Variants in SH3BP5 observed in about 807,000 individuals in gnomAD.
SH3BP5 encodes SH3 domain-binding protein 5.
SH3BP5 carries 22 observed loss-of-function variants against 43.3 expected under a neutral mutation model. The observed-to-expected ratio is 0.51, with a 90% confidence interval of 0.36 to 0.73. The LOEUF (loss-of-function observed/expected upper bound fraction) is 0.73, where lower values mean the gene tolerates loss of function less well. Among genes scored for constraint, SH3BP5 ranks in the 30% least tolerant of loss-of-function variants. The pLI, the probability that SH3BP5 is intolerant of heterozygous loss-of-function variation, is 0.00. For synonymous variants in SH3BP5, 255 were observed against 225.8 expected (o/e 1.13, Z -1.16); for missense variants, 529 against 586.9 (o/e 0.90, Z 1.02).
chr3:15,257,795 C>T (rs1278463532), intron 7 of SH3BP5, among the ~76,000 whole-genome samples: 1 of 152,188 alleles, frequency 6.6e-6, no homozygotes, highest in Non-Finnish European at 1.5e-5. Context: ...CCTCAGCCTG[C>T]CCACAATCCC....
chr3:15,285,917 A>C (rs1345669858), intron 3 of SH3BP5, among the ~76,000 whole-genome samples: 2 of 152,248 alleles, frequency 1.3e-5, no homozygotes, highest in Admixed American at 6.5e-5. Flanking sequence ...AACTTGGCTT[A>C]ATTTTAACTA....
intron 5 of SH3BP5, 148 bp downstream of exon 5, chr3:15,262,011 A>T: frequency 1.2e-6 from 1 of 800,804 alleles, no homozygotes; most frequent in South Asian, 2.0e-5. Context: ...GGGGAAAGAG[A>T]GCCTGAGCAG....
upstream of SH3BP5, among the ~76,000 whole-genome samples, chr3:15,334,905 T>C (rs1431507947): frequency 1.3e-5 from 2 of 151,280 alleles, no homozygotes; most frequent in East Asian, 3.9e-4. Context: ...TGAGCTGAGA[T>C]TGCACCACTG....
chr3:15,262,049 A>C (rs1354313325), intron 5 of SH3BP5, 110 bp downstream of exon 5: 2 of 1,282,268 alleles, frequency 1.6e-6, no homozygotes, highest in Non-Finnish European at 2.2e-6. Context: ...CCCAGGGTCT[A>C]CATCAAAGGA....
intron 2 of SH3BP5, among the ~76,000 whole-genome samples, chr3:15,311,171 C>T (rs537638444): frequency 6.6e-6 from 1 of 152,268 alleles, no homozygotes; most frequent in East Asian, 1.9e-4. Flanking sequence ...ACAAGTATAC[C>T]ACTTTCAGTT....
intron 5 of SH3BP5, among the ~76,000 whole-genome samples, chr3:15,261,846 G>A (rs765185929): frequency 3.2e-4 from 48 of 152,208 alleles, no homozygotes; most frequent in Admixed American, 6.5e-4. Flanking sequence ...GTCAACCACA[G>A]ATCCCAGAGT....
At chr3:15,331,174 T>C (rs1167074604) in intron 1 of SH3BP5, among the ~76,000 whole-genome samples, 1 of 152,258 alleles carries the variant, frequency 6.6e-6, no homozygotes, top group East Asian at 1.9e-4. Flanking sequence ...ATCATTACTA[T>C]GCAAACAAAG....
chr3:15,278,057 G>A (rs999737390), intron 3 of SH3BP5, among the ~76,000 whole-genome samples: 5 of 152,226 alleles, frequency 3.3e-5, no homozygotes, highest in African/African-American at 4.8e-5. Flanking sequence ...TCTACCCCTC[G>A]TGCTTCGCTG....
At chr3:15,298,958 G>A (rs1697653259) in intron 3 of SH3BP5, among the ~76,000 whole-genome samples, 1 of 151,176 alleles carries the variant, frequency 6.6e-6, no homozygotes, top group African/African-American at 2.5e-5. Context: ...GTTAAAATGG[G>A]GGAGAGGCAA....
Position 15,258,898 on chromosome 3 carries a change from A to C in SH3BP5, c.822T>G (p.Gly274=), listed in dbSNP as rs943919289. ...CCACAGATGTGCTGCTGCCCTCAGC[A>C]CCAACACCGCATCCCCGAGGCCCCA... ...SAMGPRGCGV[G]AEGSSTSVED... is the part of the protein sequence containing the mutation. The change falls in exon 7 of 9, where the codon GGT becomes GGG. Residue 274 remains glycine (G), a synonymous_variant. Coordinates refer to ENST00000383791, the MANE Select transcript of SH3BP5 (RefSeq NM_004844.5). 5 of 1,614,206 alleles carry C rather than the reference A, an allele frequency of 3.1e-6. No individual in the cohort carries two copies. The South Asian group carries it at 5.5e-5, about 18-fold the overall frequency.
chr3:15,264,282 T>G (rs1696557876), intron 4 of SH3BP5: 7 of 150,196 alleles, frequency 4.7e-5, no homozygotes, highest in Admixed American at 4.6e-4. Flanking sequence ...CAAATGGTTT[T>G]TTTTTTTTTC....
chr3:15,268,263 T>C (rs1696698447), intron 4 of SH3BP5, among the ~76,000 whole-genome samples: 1 of 152,198 alleles, frequency 6.6e-6, no homozygotes, highest in South Asian at 2.1e-4. Context: ...CACAAGGCCA[T>C]CTTTAATTAT....
At chr3:15,287,127 G>T (rs1378738864) in intron 3 of SH3BP5, among the ~76,000 whole-genome samples, 1 of 152,214 alleles carries the variant, frequency 6.6e-6, no homozygotes, top group East Asian at 1.9e-4. Flanking sequence ...TAGAGTTGCT[G>T]CAAGGAATAA....
At position 15,274,806 on chromosome 3, in the gene SH3BP5, A is replaced by G. The variant is rs142480065; in HGVS notation, c.331-4929T>C. 5.4e-3 allele frequency among the ~76,000 whole-genome samples: 815 copies of G among 152,276 alleles called. 8 individuals are homozygous for G. The highest frequency in any genetic ancestry group is 0.019 in the African/African-American group (783 of 41,556). ...GATGATCTACCTGCCTCGGCCTCCC[A>G]AAGTGCTGGGATTACAGGGTTGCAG... On this transcript the variant is annotated intron_variant, in intron 3 of 8. Coordinates refer to ENST00000383791, the MANE Select transcript of SH3BP5 (RefSeq NM_004844.5).
chr3:15,339,103 A>G (rs1698734336), intron 1 of SH3BP5, among the ~76,000 whole-genome samples: 1 of 152,222 alleles, frequency 6.6e-6, no homozygotes, highest in East Asian at 1.9e-4. Context: ...GACTGGTTCT[A>G]AGAATTCAAG....
At chr3:15,257,168 C>CAA (rs1328829060) in intron 7 of SH3BP5, 55 bp from the exon 8 acceptor site, 62 of 1,568,024 alleles carry the variant, frequency 4.0e-5, no homozygotes, top group Non-Finnish European at 5.3e-5. Context: ...TCAAACACCA[C>CAA]AAGTGCTTGC....
In SH3BP5 at chr3:15,278,511, T is replaced by C. The variant is rs2125077010; in HGVS notation, c.331-8634A>G. Among the ~76,000 whole-genome samples, 4 of 152,328 alleles carry C rather than the reference T, an allele frequency of 2.6e-5. No homozygotes were observed. The South Asian group carries it at 8.3e-4, about 32-fold the overall frequency. On this transcript the variant is annotated intron_variant, in intron 3 of 8. Transcript: ENST00000383791. Reference sequence around the variant, plus strand: ...CTGCACTCCCCCTTCAACTCCTGAATGATGCTTCATTGAAGAGGACCAGAG... The same window carrying C: ...CTGCACTCCCCCTTCAACTCCTGAACGATGCTTCATTGAAGAGGACCAGAG...
intron 3 of SH3BP5, among the ~76,000 whole-genome samples, chr3:15,283,637 T>C (rs1697187576): frequency 6.6e-6 from 1 of 152,220 alleles, no homozygotes; most frequent in African/African-American, 2.4e-5. Flanking sequence ...CTTCAGTCTC[T>C]TCTGCGATGA....
At chr3:15,333,434 C>G (rs769613325), upstream of SH3BP5, among the ~76,000 whole-genome samples, 3 of 152,206 alleles carry the variant, frequency 2.0e-5, no homozygotes, top group Non-Finnish European at 4.4e-5. Context: ...TGTAGCCCAT[C>G]GGCTCTGAGT....
Sources: gnomAD v4.1 joint callset for allele counts (sites outside exome capture counted in the v4.1 genomes callset) on GRCh38, gnomAD v4.1.1 for gene constraint, MANE v1.5 for transcripts, NCBI Gene and HGNC (gene_info 2026-07-23, HGNC 2026-07-21) for gene names.